The following PCNX2 variants were observed in gnomAD, a reference collection of about 807,000 sequenced individuals.
PCNX2 encodes the protein pecanex-like protein 2.
A neutral mutation model predicts 223.8 loss-of-function variants in PCNX2; 168 were observed. The ratio of observed to expected loss-of-function variants is 0.75; its 90% CI spans 0.66 to 0.85. The LOEUF (loss-of-function observed/expected upper bound fraction) is 0.85, where lower values mean the gene tolerates loss of function less well. Ranked by LOEUF, PCNX2 falls within the 40% of genes least tolerant of loss-of-function variation. The pLI is 0.00. For missense variants in PCNX2, 2,507 were observed against 2,675.5 expected (o/e 0.94, Z 1.39); for synonymous variants, 1,006 against 1,052.6 (o/e 0.96, Z 0.86).
intron 21 of PCNX2, among the ~76,000 whole-genome samples, chr1:233,121,143 G>A (rs55996867): frequency 0.15 from 22,768 of 151,660 alleles, 1,874 homozygotes; most frequent in East Asian, 0.24. Context: ...GTATCTATAT[G>A]CAAAAACCTA....
At chr1:233,293,881 A>C (rs996320591) in intron 1 of PCNX2, 2 of 882,746 alleles carry the variant, frequency 2.3e-6, no homozygotes, top group African/African-American at 3.6e-5. Flanking sequence ...TGTGCTCCTC[A>C]TGACTTTGCT....
At chr1:233,229,549 T>C (rs1657936670) in intron 9 of PCNX2, among the ~76,000 whole-genome samples, 1 of 152,162 alleles carries the variant, frequency 6.6e-6, no homozygotes, top group Non-Finnish European at 1.5e-5. Flanking sequence ...GAGCCCATGG[T>C]TTACTGTCCT....
At chr1:233,294,104 T>C (rs1661931622) in intron 1 of PCNX2, 3 of 586,568 alleles carry the variant, frequency 5.1e-6, no homozygotes, top group African/African-American at 2.0e-5. Flanking sequence ...GTTTTAATGA[T>C]ATGAATGCTA....
chr1:232,998,583 G>T, intron 31 of PCNX2, 145 bp from the exon 32 acceptor site: 2 of 778,624 alleles, frequency 2.6e-6, no homozygotes, highest in African/African-American at 1.8e-5. Flanking sequence ...GGGAAGAGGG[G>T]CTGTTGTTCC....
intron 13 of PCNX2, among the ~76,000 whole-genome samples, chr1:233,208,284 T>TA (rs1192574537): frequency 1.3e-5 from 2 of 152,190 alleles, no homozygotes; most frequent in Non-Finnish European, 2.9e-5. Flanking sequence ...ATAATGGACA[T>TA]TATAGTGCTG....
intron 25 of PCNX2, among the ~76,000 whole-genome samples, chr1:233,041,311 T>C (rs1311863252): frequency 6.6e-6 from 1 of 152,154 alleles, no homozygotes; most frequent in Non-Finnish European, 1.5e-5. Flanking sequence ...AGGTTGAACA[T>C]CCCAAATTCA....
At chr1:233,322,863 C>T in the PCNX2 span, among the ~76,000 whole-genome samples, 8 of 152,072 alleles carry the variant, frequency 5.3e-5, no homozygotes, top group Non-Finnish European at 7.4e-5. Context: ...TTCCAAAATA[C>T]GATTTCCTCT....
At chr1:233,147,418 C>T (rs970703573) in intron 19 of PCNX2, among the ~76,000 whole-genome samples, 3 of 151,714 alleles carry the variant, frequency 2.0e-5, no homozygotes, top group African/African-American at 7.3e-5. Flanking sequence ...AGTGGATCAC[C>T]ATAAAGGTCT....
chr1:233,059,805 A>T (rs1672336427), intron 23 of PCNX2, among the ~76,000 whole-genome samples: 1 of 152,234 alleles, frequency 6.6e-6, no homozygotes, highest in South Asian at 2.1e-4. Flanking sequence ...ATGATCATTG[A>T]CATATTCTGT....
chr1:233,016,686 C>T, intron 27 of PCNX2: 1 of 815,298 alleles, frequency 1.2e-6, no homozygotes, highest in Non-Finnish European at 1.5e-6. Context: ...CTTCGCTGGC[C>T]CTGAGCACTG....
the PCNX2 span, among the ~76,000 whole-genome samples, chr1:233,321,106 C>T: frequency 6.7e-6 from 1 of 149,648 alleles, no homozygotes; most frequent in Admixed American, 6.7e-5. Context: ...GCAAGCTCCG[C>T]CTCCGGGGTT....
chr1:233,232,861 T>C, intron 9 of PCNX2: 1 of 985,358 alleles, frequency 1.0e-6, no homozygotes, highest in Non-Finnish European at 1.2e-6. Context: ...CGTCATGCTA[T>C]CCATAATGAT....
intron 12 of PCNX2, 63 bp downstream of exon 12, chr1:233,217,836 C>T: frequency 6.2e-7 from 1 of 1,602,474 alleles, no homozygotes; most frequent in Non-Finnish European, 8.5e-7. Flanking sequence ...TAGATTTTGG[C>T]TTTTTCCCTG....
intron 13 of PCNX2, among the ~76,000 whole-genome samples, chr1:233,207,968 T>C (rs1211585165): frequency 6.6e-6 from 1 of 152,152 alleles, no homozygotes; most frequent in South Asian, 2.1e-4. Flanking sequence ...ATTTTTTTTT[T>C]TTTTGAGAAA....
At chr1:233,290,760 A>T (rs767096375) in intron 1 of PCNX2, 14 of 985,346 alleles carry the variant, frequency 1.4e-5, no homozygotes, top group Non-Finnish European at 1.7e-5. Flanking sequence ...TCTAAGATTA[A>T]ATTTTAAAAA....
intron 21 of PCNX2, among the ~76,000 whole-genome samples, chr1:233,106,067 C>T (rs1322181174): frequency 6.6e-6 from 1 of 152,160 alleles, no homozygotes; most frequent in Non-Finnish European, 1.5e-5. Flanking sequence ...AAAGAAGAAA[C>T]AGGAGATAAT....
At position 233,258,634 on chromosome 1, in the gene PCNX2, C is replaced by T. The variant is rs1659869365; in HGVS notation, c.1228G>A (p.Ala410Thr). 2.5e-6 allele frequency: 4 copies of T among 1,613,834 alleles called. No individual in the cohort carries two copies. Among genetic ancestry groups the T allele is most frequent in the South Asian group, 1.1e-5 (1 of 91,080 alleles). ...GCCGCCCCTGGGTTAGTGGGCTCAG[C>T]GTCAGACTTTACACTGGTCTTCTCT... ...GTEKTSVKSD[A>T]EPTNPGAAGS... The change falls in exon 5 of 34, where the codon GCT becomes ACT. Residue 410 changes from alanine (A) to threonine (T), a missense_variant. Physicochemically the swap from Ala to Thr is moderately conservative, Grantham distance 58 (BLOSUM62 0). Around this residue, in one of 3 missense-constraint regions of PCNX2, gnomAD observed 1,031 missense variants for 1,021.7 expected, o/e 1.01. Transcript: ENST00000258229.
At position 233,001,615 on chromosome 1, in the gene PCNX2, G is replaced by T; in HGVS notation, c.5019C>A (p.Asp1673Glu). ...GGTCCATGTCAGCAAATACCCACTC[G>T]TCACGTGCTGTTATTCTGAAGTCAC... ...FKGDFRITARDEWVFADMDLL... is the reference protein window; with the variant it reads ...FKGDFRITAREEWVFADMDLL... The change falls in exon 29 of 34, where the codon GAC becomes GAA. Residue 1673 changes from aspartate to glutamate, a missense_variant. Transcript: ENST00000258229. This position sits in a 1 kb window ranked among gnomAD's most constrained non-coding sequence, Gnocchi z 4.2. 1 of 1,584,906 alleles carries T rather than the reference G, an allele frequency of 6.3e-7. No homozygotes were observed. Among genetic ancestry groups the T allele is most frequent in the Non-Finnish European group, 8.6e-7 (1 of 1,163,722 alleles).
intron 1 of PCNX2, among the ~76,000 whole-genome samples, chr1:233,282,873 C>A (rs1033934090): frequency 6.6e-6 from 1 of 152,078 alleles, no homozygotes; most frequent in Non-Finnish European, 1.5e-5. Flanking sequence ...GGAGGAAAAG[C>A]TAAAATTATA....
Sources: gnomAD v4.1 joint callset for allele counts (sites outside exome capture counted in the v4.1 genomes callset) on GRCh38, gnomAD v4.1.1 for gene constraint, gnomAD v4.1.1 regional missense constraint, Gnocchi (gnomAD v3.1) non-coding constraint, MANE v1.5 for transcripts, NCBI Gene and HGNC (gene_info 2026-07-23, HGNC 2026-07-21) for gene names.